The following PATJ variants were observed in gnomAD, a reference collection of about 807,000 sequenced individuals.
PATJ encodes the protein PATJ crumbs cell polarity complex component, also known as inaD-like protein.
A neutral mutation model predicts 224.9 loss-of-function variants in PATJ; 190 were observed. The observed-to-expected ratio is 0.84, with a 90% CI of 0.75 to 0.95. The LOEUF is 0.95. Among genes scored for constraint, PATJ ranks in the 40% least tolerant of loss-of-function variants. PATJ has a pLI of 0.00. For missense variants in PATJ, 2,121 were observed against 2,270.3 expected (o/e 0.93, Z 1.34); for synonymous variants, 769 against 820.3 (o/e 0.94, Z 1.07).
intron 27 of PATJ, among the ~76,000 whole-genome samples, chr1:61,984,733 A>G (rs1490425644): frequency 6.6e-6 from 1 of 152,044 alleles, no homozygotes; most frequent in Non-Finnish European, 1.5e-5. Context: ...CATCTATACT[A>G]TTCAGTATAT....
chr1:61,956,685 C>T (rs1172446783), intron 27 of PATJ, among the ~76,000 whole-genome samples: 1 of 152,170 alleles, frequency 6.6e-6, no homozygotes, highest in Non-Finnish European at 1.5e-5. Flanking sequence ...AACAAAATTA[C>T]ATTGGTTGTG....
intron 22 of PATJ, among the ~76,000 whole-genome samples, chr1:61,894,036 C>T (rs939303893): frequency 6.6e-6 from 1 of 151,866 alleles, no homozygotes; most frequent in Non-Finnish European, 1.5e-5. Flanking sequence ...GGGCAGATCA[C>T]CTGAGGTCAA....
In PATJ at chr1:62,108,653, C is replaced by A. The variant is rs1663418292; in HGVS notation, c.4461+133C>A. On this transcript the variant is annotated intron_variant, in intron 34 of 43. Transcript: ENST00000642238. ...CATTTAACAAAATACTTATCATATT[C>A]TTTTTTTCTTCAGTGTACATTATAC... 9 of 504,824 alleles carry A rather than the reference C, an allele frequency of 1.8e-5. No individual in the cohort carries two copies. In the South Asian group the frequency reaches 2.6e-4, roughly 15 times the overall value. 31.3% of individuals were successfully genotyped at this position (504,824 alleles called of 1,614,324 possible).
chr1:62,144,777 A>ATATATATATATATATATATATATAT (rs1553280094), intron 41 of PATJ, among the ~76,000 whole-genome samples: 8 of 119,094 alleles, frequency 6.7e-5, no homozygotes, highest in African/African-American at 1.7e-4. Context: ...AAAAAAAAAA[A>ATATATATATATATATATATATATAT]ATATATATAT....
chr1:61,916,387 C>T (rs1046053141), intron 26 of PATJ, among the ~76,000 whole-genome samples: 4 of 151,828 alleles, frequency 2.6e-5, no homozygotes, highest in East Asian at 1.9e-4. Flanking sequence ...TTTGGATTTT[C>T]TATACATATA....
intron 33 of PATJ, among the ~76,000 whole-genome samples, chr1:62,092,229 A>C (rs547641108): frequency 5.9e-5 from 9 of 151,968 alleles, no homozygotes; most frequent in Non-Finnish European, 8.8e-5. Flanking sequence ...AATTTTTTTT[A>C]ATTAGCTGAG....
intron 24 of PATJ, among the ~76,000 whole-genome samples, chr1:61,901,871 T>C (rs1300975951): frequency 1.3e-5 from 2 of 152,202 alleles, no homozygotes; most frequent in East Asian, 3.9e-4. Flanking sequence ...GAAGACTCTA[T>C]TGGGTGAGGG....
rs1646439433 is a variant in PATJ, at chr1:61,768,798, G to A, written c.385-485G>A. Among the ~76,000 whole-genome samples the A allele has an allele frequency of 2.0e-5, 3 of 152,006 alleles. No individual in the cohort carries two copies. The South Asian group carries it at 6.2e-4, about 32-fold the overall frequency. ...GCCTATAGTCCCAGCTACCCAGGAG[G>A]CTGAGGCAGGAGGATCGCTTGAGCC... On this transcript the variant is annotated intron_variant, in intron 4 of 43. Transcript: ENST00000642238.
At chr1:61,997,327 A>T (rs1324756756) in intron 28 of PATJ, among the ~76,000 whole-genome samples, 1 of 152,086 alleles carries the variant, frequency 6.6e-6, no homozygotes, top group East Asian at 1.9e-4. Flanking sequence ...CCGGTTCACA[A>T]CTCTAAAAGT....
chr1:62,008,467 G>A (rs968243180), intron 28 of PATJ, among the ~76,000 whole-genome samples: 2 of 152,178 alleles, frequency 1.3e-5, no homozygotes, highest in Non-Finnish European at 2.9e-5. Flanking sequence ...TCCAAACTGG[G>A]TAACTACTAA....
intron 3 of PATJ, among the ~76,000 whole-genome samples, chr1:61,764,634 A>G (rs1308787352): frequency 6.6e-6 from 1 of 151,920 alleles, no homozygotes; most frequent in African/African-American, 2.4e-5. Context: ...AAAATTTACA[A>G]AATTTGGGAA....
intron 14 of PATJ, among the ~76,000 whole-genome samples, chr1:61,817,711 A>G (rs1557698688): frequency 2.0e-5 from 3 of 152,328 alleles, no homozygotes; most frequent in Non-Finnish European, 4.4e-5. Flanking sequence ...AAAACAAAAC[A>G]TAAATGAAGC....
chr1:62,072,681 G>C (rs777502901), intron 31 of PATJ: 2 of 148,850 alleles, frequency 1.3e-5, no homozygotes, highest in Non-Finnish European at 3.0e-5. Context: ...GATTAGCAGT[G>C]AGATCATGCC....
In PATJ at chr1:61,824,155, A is replaced by G. The variant is rs187347265; in HGVS notation, c.1818+1076A>G. Among the ~76,000 whole-genome samples, 37 of 152,226 alleles carry G rather than the reference A, an allele frequency of 2.4e-4. No individual in the cohort carries two copies. In the East Asian group the frequency reaches 2.7e-3, roughly 11 times the overall value. On this transcript the variant is annotated intron_variant, in intron 15 of 43. Coordinates refer to ENST00000642238, the MANE Select transcript of PATJ (RefSeq NM_001350145.3). ...GTAGATTGGAAACTATTGCTGTAGT[A>G]TGTAGTTATTACGTATTGAGAAATG...
At chr1:62,064,988 T>C (rs1364947663) in intron 31 of PATJ, among the ~76,000 whole-genome samples, 2 of 152,250 alleles carry the variant, frequency 1.3e-5, no homozygotes, top group Non-Finnish European at 2.9e-5. Context: ...TGTGACAGTA[T>C]GCAAATTGCC....
intron 33 of PATJ, among the ~76,000 whole-genome samples, chr1:62,102,788 A>G (rs938496848): frequency 2.8e-5 from 4 of 144,112 alleles, no homozygotes; most frequent in Non-Finnish European, 4.5e-5. Context: ...TGAGCCCAGG[A>G]GGCCCACTTT....
At chr1:61,773,268 C>T (rs1490673920) in intron 6 of PATJ, among the ~76,000 whole-genome samples, 1 of 151,972 alleles carries the variant, frequency 6.6e-6, no homozygotes, top group Non-Finnish European at 1.5e-5. Flanking sequence ...ATGATCTGCC[C>T]ACCTCGGCTT....
rs560890751 is a variant in PATJ, at chr1:61,954,712, A to G, written c.3670+26883A>G. On this transcript the variant is annotated intron_variant, in intron 27 of 43. Coordinates refer to ENST00000642238, the MANE Select transcript of PATJ (RefSeq NM_001350145.3). ...TAGATATGTATTTTTTAAACAATTT[A>G]CTTTTATCTTTTTCTTACATTTATG... Among the ~76,000 whole-genome samples the G allele has an allele frequency of 3.3e-5, 5 of 149,834 alleles. No individual in the cohort carries two copies. In the East Asian group the frequency reaches 9.8e-4, roughly 29 times the overall value.
At chr1:61,970,075 T>TG (rs891380059) in intron 27 of PATJ, among the ~76,000 whole-genome samples, 10 of 152,214 alleles carry the variant, frequency 6.6e-5, no homozygotes, top group African/African-American at 2.4e-4. Flanking sequence ...TTTGTATTTT[T>TG]TTTTTTGTTT....
Sources: allele counts gnomAD v4.1 joint callset (sites outside exome capture counted in the v4.1 genomes callset), GRCh38; gene constraint gnomAD v4.1.1; transcripts MANE v1.5; gene names NCBI Gene and HGNC (gene_info 2026-07-23, HGNC 2026-07-21).